Variants in DSCAML1 observed in about 807,000 individuals in gnomAD.
DSCAML1 encodes the protein cell adhesion molecule DSCAML1.
DSCAML1 carries 38 observed loss-of-function variants against 200.5 expected under a neutral mutation model. The observed-to-expected ratio is 0.19, with a 90% CI of 0.15 to 0.25. The LOEUF (loss-of-function observed/expected upper bound fraction) is 0.25, where lower values mean the gene tolerates loss of function less well. DSCAML1 is among the 10% of genes least tolerant of loss of function. The pLI is 1.00. For synonymous variants in DSCAML1, 1,215 were observed against 1,165.0 expected (o/e 1.04, Z -0.87); for missense variants, 2,223 against 2,858.8 (o/e 0.78, Z 5.07).
At chr11:117,616,531 G>T (rs2051814465) in intron 3 of DSCAML1, among the ~76,000 whole-genome samples, 2 of 152,160 alleles carry the variant, frequency 1.3e-5, no homozygotes, top group Non-Finnish European at 2.9e-5. Context: ...TTCCAGTTTT[G>T]AATGAATGAA....
chr11:117,614,066 G>C (rs569769173), intron 3 of DSCAML1, among the ~76,000 whole-genome samples: 1 of 152,176 alleles, frequency 6.6e-6, no homozygotes, highest in African/African-American at 2.4e-5. Context: ...GGGAGGAAAG[G>C]GGCTACAGGG....
chr11:117,691,801 A>G (rs1048834040), intron 3 of DSCAML1, among the ~76,000 whole-genome samples: 3 of 151,950 alleles, frequency 2.0e-5, no homozygotes, highest in Non-Finnish European at 2.9e-5. Context: ...TTCTCTCCCC[A>G]GGGGGGTTTT....
chr11:117,440,729 C>A (rs1216102558), intron 21 of DSCAML1, among the ~76,000 whole-genome samples: 4 of 152,044 alleles, frequency 2.6e-5, no homozygotes, highest in Non-Finnish European at 5.9e-5. Flanking sequence ...ACCAGCCTGG[C>A]CAACATGGCA....
intron 3 of DSCAML1, among the ~76,000 whole-genome samples, chr11:117,688,814 G>A (rs1027638166): frequency 3.3e-5 from 5 of 152,198 alleles, no homozygotes; most frequent in Admixed American, 6.5e-5. Flanking sequence ...ATGCTATCCC[G>A]AGTTACACAA....
chr11:117,515,864 C>A (rs1004534529), intron 8 of DSCAML1, among the ~76,000 whole-genome samples: 3 of 152,014 alleles, frequency 2.0e-5, no homozygotes, highest in Admixed American at 1.3e-4. Context: ...CATGATCCAC[C>A]CGCCTCGGCC....
At chr11:117,521,941 C>G (rs562415702) in intron 5 of DSCAML1, among the ~76,000 whole-genome samples, 7 of 152,206 alleles carry the variant, frequency 4.6e-5, no homozygotes, top group Non-Finnish European at 5.9e-5. Context: ...CTGCCTCCCC[C>G]CAGCTGTCCT....
intron 3 of DSCAML1, among the ~76,000 whole-genome samples, chr11:117,608,546 T>C (rs1261734003): frequency 6.6e-6 from 1 of 152,224 alleles, no homozygotes; most frequent in African/African-American, 2.4e-5. Flanking sequence ...TACGAGAACA[T>C]TTTAACATCT....
At position 117,428,690 on chromosome 11, in the gene DSCAML1, C is replaced by T. The variant is rs754340195; in HGVS notation, c.5800G>A (p.Ala1934Thr). Residue 1934 changes from alanine (A) to threonine (T), a missense_variant, in exon 33 of 33, where the codon GCT (alanine) becomes ACT (threonine). By Grantham distance (58) the Ala-to-Thr change is moderately conservative. Around this residue, in one of 7 missense-constraint regions of DSCAML1, gnomAD observed 280 missense variants for 213.4 expected, o/e 1.31. Coordinates refer to ENST00000651296, the MANE Select transcript of DSCAML1 (RefSeq NM_020693.4). ...PPREASIRNLARTYHTQARHL... is the reference protein window; with the variant it reads ...PPREASIRNLTRTYHTQARHL... ...CGAGCCTGGGTGTGGTAGGTTCGAG[C>T]CAGGTTCCGGATGGAGGCCTCACGG... The T allele has an allele frequency of 1.9e-6, 3 of 1,612,958 alleles. No homozygotes were observed. The highest frequency in any genetic ancestry group is 2.5e-6 in the Non-Finnish European group (3 of 1,179,666).
chr11:117,532,476 G>A lies in DSCAML1; in HGVS notation c.558C>T (p.Asp186=), dbSNP rs780886900. The stretch of plus-strand genomic sequence containing the variant: ...TGGAGAGGGCGTCCTCCTTCTGTAC[G>A]TCAGAGATGTACAGCCCGCCGTGGT... The part of the protein sequence containing the change: ...ITYHGGLYIS[D]VQKEDALSTY... Residue 186 remains aspartate, a synonymous_variant, in exon 4 of 33, where the codon GAC becomes GAT. Transcript: ENST00000651296. The A allele has an allele frequency of 5.6e-6, 9 of 1,614,138 alleles. No homozygotes were observed. Among genetic ancestry groups the A allele is most frequent in the South Asian group, 3.3e-5 (3 of 91,072 alleles).
At chr11:117,434,173 C>G (rs1019770119) in intron 27 of DSCAML1, among the ~76,000 whole-genome samples, 12 of 152,266 alleles carry the variant, frequency 7.9e-5, no homozygotes, top group African/African-American at 2.9e-4. Flanking sequence ...TCCATTCACC[C>G]ATCCATTGAT....
At chr11:117,522,273 C>A (rs940349851) in intron 5 of DSCAML1, among the ~76,000 whole-genome samples, 1 of 152,244 alleles carries the variant, frequency 6.6e-6, no homozygotes, top group Admixed American at 6.5e-5. Context: ...TCTAGCCCCG[C>A]TGTGTATAAC....
rs60376380 is a variant in DSCAML1 at position 117,477,198 on chromosome 11, GACACACACAC to G, written c.2785+3235_2785+3244del. 3.5e-5 allele frequency among the ~76,000 whole-genome samples: 5 copies of G among 144,694 alleles called. No homozygotes were observed. In the East Asian group the frequency reaches 6.4e-4, roughly 19 times the overall value. 94.9% of individuals were successfully genotyped at this position (144,694 alleles called of 152,430 possible). A position where few individuals can be genotyped will look rare whatever the true frequency, so the allele number is the denominator to read the frequency against. ...CCACAGGTGCAGGAAGCTGTCCTTA[GACACACACAC>G]ACACACACACACACACACGTGCACA... is the stretch of plus-strand genomic sequence containing the variant. On this transcript the variant is annotated intron_variant, in intron 14 of 32. Transcript: ENST00000651296.
At chr11:117,749,823 G>A (rs918133235) in intron 3 of DSCAML1, among the ~76,000 whole-genome samples, 6 of 152,248 alleles carry the variant, frequency 3.9e-5, no homozygotes, top group Admixed American at 6.5e-5. Context: ...CCCTTACAGC[G>A]GGGAGAGCTG....
At chr11:117,734,438 C>G (rs1168831761) in intron 3 of DSCAML1, among the ~76,000 whole-genome samples, 1 of 152,194 alleles carries the variant, frequency 6.6e-6, no homozygotes, top group Non-Finnish European at 1.5e-5. Flanking sequence ...CTCAACTTCC[C>G]CAACACTGGC....
intron 3 of DSCAML1, among the ~76,000 whole-genome samples, chr11:117,641,267 G>T (rs1258157598): frequency 6.6e-6 from 1 of 152,234 alleles, no homozygotes; most frequent in Non-Finnish European, 1.5e-5. Flanking sequence ...CACCCTTAAT[G>T]ATGGAGCCTC....
intron 3 of DSCAML1, chr11:117,611,735 T>C (rs551474968): frequency 1.3e-5 from 2 of 152,208 alleles, no homozygotes; most frequent in East Asian, 3.9e-4. Context: ...CACTTTACAC[T>C]ACAGGAGAAA....
intron 3 of DSCAML1, among the ~76,000 whole-genome samples, chr11:117,536,207 G>A (rs1469755330): frequency 2.0e-5 from 3 of 152,208 alleles, no homozygotes; most frequent in Non-Finnish European, 4.4e-5. Flanking sequence ...GATGAGCATC[G>A]GACGGTGGAC....
intron 3 of DSCAML1, among the ~76,000 whole-genome samples, chr11:117,639,353 TGGATGGATGGGAGGCC>T (rs2052354492): frequency 8.1e-6 from 1 of 123,020 alleles, no homozygotes; most frequent in Non-Finnish European, 1.7e-5. Context: ...GGTGGGAGGT[TGGATGGATGGGAGGCC>T]GGATGGGTAG....
intron 3 of DSCAML1, among the ~76,000 whole-genome samples, chr11:117,621,478 A>C (rs1353758661): frequency 4.6e-5 from 7 of 152,202 alleles, no homozygotes; most frequent in Non-Finnish European, 1.0e-4. Context: ...GGAACATTTT[A>C]ACCAAAGGGG....
Sources: allele counts gnomAD v4.1 joint callset (sites outside exome capture counted in the v4.1 genomes callset), GRCh38; gene constraint gnomAD v4.1.1; regional missense constraint gnomAD v4.1.1; transcripts MANE v1.5; gene names NCBI Gene and HGNC (gene_info 2026-07-23, HGNC 2026-07-21).